The following DCC variants were observed in gnomAD, a reference collection of about 807,000 sequenced individuals.
The protein encoded by DCC is netrin receptor DCC.
A neutral mutation model predicts 172.5 loss-of-function variants in DCC; 58 were observed. The ratio of observed to expected loss-of-function variants is 0.34; its 90% CI spans 0.27 to 0.42. The LOEUF is 0.42. Among genes scored for constraint, DCC ranks in the 10% least tolerant of loss-of-function variants. The pLI, the probability that DCC is intolerant of heterozygous loss-of-function variation, is 1.00. For synonymous variants in DCC, 709 were observed against 644.5 expected (o/e 1.10, Z -1.52); for missense variants, 1,740 against 1,791.0 (o/e 0.97, Z 0.51).
At chr18:53,047,970 T>A (rs1263012864) in intron 5 of DCC, among the ~76,000 whole-genome samples, 1 of 151,772 alleles carries the variant, frequency 6.6e-6, no homozygotes, top group East Asian at 1.9e-4. Flanking sequence ...AATGTTATAA[T>A]AATATGCCAG....
intron 8 of DCC, among the ~76,000 whole-genome samples, chr18:53,164,154 A>G (rs954276447): frequency 6.6e-6 from 1 of 152,162 alleles, no homozygotes; most frequent in South Asian, 2.1e-4. Flanking sequence ...CAATTCTTTT[A>G]TATGTTTCAT....
chr18:53,434,202 A>T (rs553310748), intron 21 of DCC, among the ~76,000 whole-genome samples: 1 of 152,166 alleles, frequency 6.6e-6, no homozygotes, highest in Non-Finnish European at 1.5e-5. Context: ...GGCTTTCTCT[A>T]TGTCATCCAC....
intron 27 of DCC, among the ~76,000 whole-genome samples, chr18:53,521,922 ATAAGAGCT>A (rs887732879): frequency 6.6e-6 from 1 of 152,116 alleles, no homozygotes; most frequent in Non-Finnish European, 1.5e-5. Flanking sequence ...ATAGGAATGG[ATAAGAGCT>A]AGCTTCTGGA....
intron 5 of DCC, among the ~76,000 whole-genome samples, chr18:53,052,522 G>T (rs2042347142): frequency 6.6e-6 from 1 of 151,996 alleles, no homozygotes. Context: ...TTGCTCTAAT[G>T]TAGTATAGGT....
At chr18:52,957,621 ATAAAG>A (rs1188238793) in intron 5 of DCC, among the ~76,000 whole-genome samples, 1 of 152,164 alleles carries the variant, frequency 6.6e-6, no homozygotes, top group Non-Finnish European at 1.5e-5. Flanking sequence ...AGAGAAGACT[ATAAAG>A]TATGTGTGAA....
chr18:52,647,605 G>A (rs1049765166), intron 1 of DCC, among the ~76,000 whole-genome samples: 11 of 152,278 alleles, frequency 7.2e-5, no homozygotes, highest in East Asian at 5.8e-4. Context: ...TGGAAACACC[G>A]TAGGTCTGGT....
intron 12 of DCC, among the ~76,000 whole-genome samples, chr18:53,275,666 TA>T (rs56752662): frequency 1.3e-4 from 20 of 152,062 alleles, no homozygotes; most frequent in African/African-American, 4.8e-4. Flanking sequence ...AACAACCCAC[TA>T]AAAAAATCAA....
At chr18:53,306,234 A>G (rs539058289) in intron 13 of DCC, among the ~76,000 whole-genome samples, 2 of 152,234 alleles carry the variant, frequency 1.3e-5, no homozygotes, top group African/African-American at 2.4e-5. Flanking sequence ...AACCTTCTCT[A>G]TGAAAACTGG....
chr18:53,333,028 C>T (rs984378444), intron 14 of DCC, among the ~76,000 whole-genome samples: 1 of 149,518 alleles, frequency 6.7e-6, no homozygotes, highest in Non-Finnish European at 1.5e-5. Context: ...TAGCATTGCG[C>T]TACTGCGCTC....
rs1419386462 is a variant in DCC, at chr18:52,819,988, G to A, written c.412+67614G>A. 2.0e-5 allele frequency among the ~76,000 whole-genome samples: 3 copies of A among 152,080 alleles called. No individual in the cohort carries two copies. In the East Asian group the frequency reaches 5.8e-4, roughly 29 times the overall value. On this transcript the variant is annotated intron_variant, in intron 2 of 28. Transcript: ENST00000442544. ...ACCTGCCTCGGCCTCCCAAAGTGCT[G>A]GGATTACAGGCGTGAGCCACCACGC...
intron 1 of DCC, among the ~76,000 whole-genome samples, chr18:52,538,826 C>T (rs1002351499): frequency 6.6e-6 from 1 of 152,060 alleles, no homozygotes; most frequent in African/African-American, 2.4e-5. Context: ...ATCTGTTCTC[C>T]TTTTGTACTT....
intron 24 of DCC, among the ~76,000 whole-genome samples, chr18:53,460,556 T>G (rs1353836081): frequency 3.3e-5 from 5 of 151,674 alleles, no homozygotes; most frequent in Non-Finnish European, 7.4e-5. Flanking sequence ...CTTGTCATAG[T>G]TTACTGAGAA....
At chr18:52,840,820 C>T (rs2038791549) in intron 2 of DCC, among the ~76,000 whole-genome samples, 2 of 152,134 alleles carry the variant, frequency 1.3e-5, no homozygotes. Context: ...ATGTGCCAAA[C>T]ACATTCTTCC....
chr18:52,857,827 A>G (rs534285433), intron 2 of DCC, among the ~76,000 whole-genome samples: 2 of 152,358 alleles, frequency 1.3e-5, no homozygotes, highest in South Asian at 4.1e-4. Flanking sequence ...AAAAAGGATT[A>G]CAGCTCTAAT....
At chr18:53,214,017 C>T (rs895971765) in intron 11 of DCC, among the ~76,000 whole-genome samples, 1 of 151,646 alleles carries the variant, frequency 6.6e-6, no homozygotes, top group African/African-American at 2.4e-5. Flanking sequence ...CACCATGTGC[C>T]TTCAACTCTT....
intron 5 of DCC, among the ~76,000 whole-genome samples, chr18:52,956,906 C>T (rs2040753690): frequency 1.3e-5 from 2 of 152,058 alleles, no homozygotes; most frequent in South Asian, 2.1e-4. Flanking sequence ...TTCAATGAAA[C>T]AGGCAGGTAC....
At chr18:52,352,301 C>A (rs1984159334) in intron 1 of DCC, among the ~76,000 whole-genome samples, 1 of 152,062 alleles carries the variant, frequency 6.6e-6, no homozygotes, top group Non-Finnish European at 1.5e-5. Flanking sequence ...CCTTCTAGAA[C>A]CTGCCTCAAT....
intron 2 of DCC, among the ~76,000 whole-genome samples, chr18:52,778,792 G>C (rs191312787): frequency 2.6e-5 from 4 of 152,208 alleles, no homozygotes; most frequent in Admixed American, 1.3e-4. Flanking sequence ...TCCTCTAAAA[G>C]TTTTGTCACT....
At chr18:53,007,471 G>A (rs2041663620) in intron 5 of DCC, among the ~76,000 whole-genome samples, 2 of 152,060 alleles carry the variant, frequency 1.3e-5, no homozygotes, top group Admixed American at 6.6e-5. Flanking sequence ...AAGAGCTGAG[G>A]TAGCAACTGT....
Sources: gnomAD v4.1 joint callset for allele counts (sites outside exome capture counted in the v4.1 genomes callset) on GRCh38, gnomAD v4.1.1 for gene constraint, MANE v1.5 for transcripts, NCBI Gene and HGNC (gene_info 2026-07-23, HGNC 2026-07-21) for gene names.